The following CCDC146 variants were observed in gnomAD, a reference collection of about 807,000 sequenced individuals.
CCDC146 encodes the protein coiled-coil domain containing 146.
In CCDC146, 92 loss-of-function variants were observed where a neutral mutation model predicts 119.3. The ratio of observed to expected loss-of-function variants is 0.77; its 90% confidence interval spans 0.65 to 0.92. CCDC146 has a LOEUF of 0.92. CCDC146 is among the 40% of genes least tolerant of loss of function. The probability of loss-of-function intolerance (pLI) is 0.00; values close to 1 mark genes in which losing one functional copy is unlikely to be tolerated. For synonymous variants in CCDC146, 372 were observed against 371.8 expected, an observed-to-expected ratio of 1.00 and a Z score of -0.01; for missense variants, 1,000 against 1,103.0, an observed-to-expected ratio of 0.91 and a Z score of 1.32.
intron 5 of CCDC146, 36 bp from the exon 6 acceptor site, chr7:77,256,297 G>A (rs1429679450): frequency 7.4e-6 from 11 of 1,482,258 alleles, no homozygotes; most frequent in Non-Finnish European, 9.1e-6. Flanking sequence ...TGTTTGCTCA[G>A]ACTATATAAC....
At chr7:77,239,309 T>C (rs530720046) in intron 3 of CCDC146, among the ~76,000 whole-genome samples, 8 of 152,356 alleles carry the variant, frequency 5.3e-5, no homozygotes. Flanking sequence ...TTTATTAGCA[T>C]ACATGAAAAT....
chr7:77,230,527 T>C (rs1333006637), intron 2 of CCDC146, among the ~76,000 whole-genome samples: 1 of 152,018 alleles, frequency 6.6e-6, no homozygotes, highest in Non-Finnish European at 1.5e-5. Context: ...TGTCTGTTTT[T>C]TCTTCACTTT....
At chr7:77,168,108 AAAG>A (rs1791365501) in intron 2 of CCDC146, among the ~76,000 whole-genome samples, 1 of 152,200 alleles carries the variant, frequency 6.6e-6, no homozygotes, top group Non-Finnish European at 1.5e-5. Flanking sequence ...TACATGAAAT[AAAG>A]AAGATTTCTT....
intron 2 of CCDC146, among the ~76,000 whole-genome samples, chr7:77,229,985 A>T (rs1792593105): frequency 6.6e-6 from 1 of 152,200 alleles, no homozygotes. Context: ...AAACCACTAA[A>T]TCAACTTTCT....
chr7:77,186,512 G>A (rs910740605), intron 2 of CCDC146, among the ~76,000 whole-genome samples: 2 of 151,938 alleles, frequency 1.3e-5, no homozygotes, highest in Admixed American at 6.6e-5. Flanking sequence ...GGGAGGGCAG[G>A]GGGTAAGTGA....
intron 2 of CCDC146, among the ~76,000 whole-genome samples, chr7:77,192,763 A>C (rs1021239163): frequency 1.1e-4 from 17 of 152,122 alleles, no homozygotes; most frequent in Non-Finnish European, 1.8e-4. Flanking sequence ...TCTCTACTAA[A>C]AATACAAAAA....
rs574105946 is a variant in CCDC146, at chr7:77,124,930, T to G, written c.-12+2198T>G. On this transcript the variant is annotated intron_variant, in intron 1 of 18. Coordinates refer to ENST00000285871, the MANE Select transcript of CCDC146 (RefSeq NM_020879.3). ...CTCCCTGGCCAGGTGCAGTGGCTCA[T>G]GCCTGTAATTTCAGCACTTTGGGAG... Among the ~76,000 whole-genome samples the G allele has an allele frequency of 4.7e-4, 71 of 152,248 alleles. 1 individual carries two copies. The South Asian group carries it at 0.014, about 30-fold the overall frequency.
rs1158435840 is a variant in CCDC146 at position 77,287,588 on chromosome 7, G to A, written c.2415+11G>A. The stretch of plus-strand genomic sequence containing the variant: ...CTCTTAGCCAAGAAGGTAGGCCTGA[G>A]ACCCTGCCTTTTCCCTTCTGCCCCT... On this transcript the variant is annotated intron_variant, in intron 17 of 18. Transcript: ENST00000285871. 1.2e-6 allele frequency: 2 copies of A among 1,609,914 alleles called. No individual in the cohort carries two copies. The highest frequency in any genetic ancestry group is 8.5e-7 in the Non-Finnish European group (1 of 1,178,290).
At chr7:77,272,172 T>C (rs1793537138) in intron 9 of CCDC146, among the ~76,000 whole-genome samples, 1 of 152,232 alleles carries the variant, frequency 6.6e-6, no homozygotes. Context: ...CTATACTGAG[T>C]TCTCCCTTTT....
chr7:77,273,729 T>G lies in CCDC146; in HGVS notation c.1209T>G (p.Ser403=), dbSNP rs760747516. ...EAIPKDDSTL[S]ERRRELHKEV... is the part of the protein sequence containing the mutation. Reference sequence around the variant, plus strand: ...TCCCCAAAGATGATTCTACATTATCTGAGAGAAGGCGAGAGCTTCACAAGG... The same window carrying G: ...TCCCCAAAGATGATTCTACATTATCGGAGAGAAGGCGAGAGCTTCACAAGG... The change falls in exon 10 of 19, where the codon TCT becomes TCG. Residue 403 remains serine (S), a synonymous_variant. Coordinates refer to ENST00000285871, the MANE Select transcript of CCDC146 (RefSeq NM_020879.3). The G allele has an allele frequency of 6.2e-7, 1 of 1,610,642 alleles. No individual in the cohort carries two copies. Among genetic ancestry groups the G allele is most frequent in the East Asian group, 2.2e-5 (1 of 44,756 alleles).
At chr7:77,287,146 T>C in intron 16 of CCDC146, 1 of 620,224 alleles carries the variant, frequency 1.6e-6, no homozygotes, top group Non-Finnish European at 2.8e-6. Context: ...CAAAGGCACA[T>C]TTCTCTCATG....
intron 2 of CCDC146, among the ~76,000 whole-genome samples, chr7:77,197,878 T>C (rs1456206871): frequency 1.3e-5 from 2 of 152,176 alleles, no homozygotes; most frequent in Non-Finnish European, 2.9e-5. Context: ...TAATAATCAG[T>C]TAACAAAGTT....
chr7:77,183,492 A>G (rs1198466430), intron 2 of CCDC146, among the ~76,000 whole-genome samples: 1 of 152,082 alleles, frequency 6.6e-6, no homozygotes, highest in East Asian at 1.9e-4. Flanking sequence ...TCTTTCTCCC[A>G]TGCTCCAGCC....
chr7:77,199,521 A>G (rs750567949), intron 2 of CCDC146: 2 of 1,614,044 alleles, frequency 1.2e-6, no homozygotes, highest in South Asian at 2.2e-5. Flanking sequence ...ATTTCTTTAG[A>G]CTATTTACGA....
chr7:77,133,849 A>ACACACT (rs1223994908), intron 1 of CCDC146, among the ~76,000 whole-genome samples: 1 of 150,700 alleles, frequency 6.6e-6, no homozygotes, highest in Non-Finnish European at 1.5e-5. Flanking sequence ...ACACACACAC[A>ACACACT]CACACTCACA....
intron 1 of CCDC146, among the ~76,000 whole-genome samples, chr7:77,140,350 T>C (rs192485181): frequency 1.3e-5 from 2 of 152,294 alleles, no homozygotes; most frequent in African/African-American, 4.8e-5. Flanking sequence ...GAAAGTACTA[T>C]AGACCAGGTG....
At chr7:77,198,378 G>A (rs1257332168) in intron 2 of CCDC146, 1 of 949,080 alleles carries the variant, frequency 1.1e-6, no homozygotes, top group African/African-American at 1.8e-5. Context: ...AGCAACAGTG[G>A]TCCCAGTGAC....
At chr7:77,153,908 G>A (rs1391379913) in intron 1 of CCDC146, among the ~76,000 whole-genome samples, 5 of 152,000 alleles carry the variant, frequency 3.3e-5, no homozygotes, top group Admixed American at 3.3e-4. Flanking sequence ...CAACCAAGAT[G>A]CTTTTCAGTT....
chr7:77,276,998 G>A (rs1793659455), intron 11 of CCDC146, among the ~76,000 whole-genome samples: 1 of 152,214 alleles, frequency 6.6e-6, no homozygotes, highest in Non-Finnish European at 1.5e-5. Context: ...CTTGAACCCA[G>A]GAGGCGGAGG....
Sources: gnomAD v4.1 joint callset for allele counts (sites outside exome capture counted in the v4.1 genomes callset) on GRCh38, gnomAD v4.1.1 for gene constraint, MANE v1.5 for transcripts, NCBI Gene and HGNC (gene_info 2026-07-23, HGNC 2026-07-21) for gene names.